RNF180: variants seen among roughly 807,000 people sequenced by gnomAD.
RNF180 encodes the protein E3 ubiquitin-protein ligase RNF180.
A neutral mutation model predicts 59.2 loss-of-function variants in RNF180; 38 were observed. That is an observed-to-expected ratio of 0.64 (90% CI 0.50 to 0.84). The LOEUF (loss-of-function observed/expected upper bound fraction) is 0.84, where lower values mean the gene tolerates loss of function less well. Ranked by LOEUF, RNF180 falls within the 40% of genes least tolerant of loss-of-function variation. The probability of loss-of-function intolerance (pLI) is 0.00; values close to 1 mark genes in which losing one functional copy is unlikely to be tolerated. For synonymous variants in RNF180, 262 were observed against 240.3 expected, an observed-to-expected ratio of 1.09 and a Z score of -0.84; for missense variants, 705 against 700.9, an observed-to-expected ratio of 1.01 and a Z score of -0.07.
chr5:64,359,266 T>C (rs1561280074), intron 7 of RNF180, among the ~76,000 whole-genome samples: 1 of 147,558 alleles, frequency 6.8e-6, no homozygotes, highest in Non-Finnish European at 1.5e-5. Context: ...GTAAAAGTGT[T>C]CCTATTTCTC....
At chr5:64,273,906 T>C (rs572516104) in intron 5 of RNF180, among the ~76,000 whole-genome samples, 150 of 152,014 alleles carry the variant, frequency 9.9e-4, no homozygotes, top group African/African-American at 3.4e-3. Context: ...TTTAATAAGG[T>C]GGCCAGAAAA....
At chr5:64,345,112 A>G (rs1257694793) in intron 7 of RNF180, among the ~76,000 whole-genome samples, 3 of 152,114 alleles carry the variant, frequency 2.0e-5, no homozygotes, top group Non-Finnish European at 4.4e-5. Context: ...TAGCCCCTAA[A>G]GGGCTTCTAG....
chr5:64,323,465 C>G (rs1483395374), intron 5 of RNF180, among the ~76,000 whole-genome samples: 1 of 152,068 alleles, frequency 6.6e-6, no homozygotes, highest in East Asian at 1.9e-4. Context: ...CACTTGAACC[C>G]AGGAAGCAGA....
Position 64,356,043 on chromosome 5 carries a change from G to C in RNF180, c.1580-13572G>C, listed in dbSNP as rs536556691. 6.8e-4 allele frequency among the ~76,000 whole-genome samples: 103 copies of C among 151,770 alleles called. 1 individual carries two copies. The highest frequency in any genetic ancestry group is 2.5e-3 in the African/African-American group (102 of 41,464). ...AAAATTTTGAAAGGAATCACTTGAG[G>C]CCGGGAGTTCAAGACCAACCTGGGC... On this transcript the variant is annotated intron_variant, in intron 7 of 7. Coordinates refer to ENST00000389100, the MANE Select transcript of RNF180 (RefSeq NM_001113561.2).
At position 64,342,585 on chromosome 5, in the gene RNF180, G is replaced by A. The variant is rs570031227; in HGVS notation, c.1579+12179G>A. On this transcript the variant is annotated intron_variant, in intron 7 of 7. Coordinates refer to ENST00000389100, the MANE Select transcript of RNF180 (RefSeq NM_001113561.2). ...TAGGAATCAAGTTATCCTACAGGGA[G>A]GGACCTATAACAGATACATAATAAG... is the stretch of plus-strand genomic sequence containing the variant. 4.6e-5 allele frequency among the ~76,000 whole-genome samples: 7 copies of A among 152,188 alleles called. No individual in the cohort carries two copies. The South Asian group carries it at 1.5e-3, about 32-fold the overall frequency.
intron 7 of RNF180, among the ~76,000 whole-genome samples, chr5:64,353,110 T>C (rs879573836): frequency 2.6e-5 from 4 of 151,866 alleles, no homozygotes; most frequent in Non-Finnish European, 4.4e-5. Context: ...CTATATTTGC[T>C]GTTAAAACTT....
At chr5:64,209,477 A>G (rs1325345967) in intron 2 of RNF180, among the ~76,000 whole-genome samples, 4 of 152,076 alleles carry the variant, frequency 2.6e-5, no homozygotes, top group Admixed American at 6.6e-5. Context: ...CCTTTATGCA[A>G]CACAGTCCCT....
intron 7 of RNF180, among the ~76,000 whole-genome samples, chr5:64,363,350 A>C (rs1746327739): frequency 1.3e-5 from 2 of 151,834 alleles, no homozygotes; most frequent in Admixed American, 6.6e-5. Flanking sequence ...TGAAGAGAGA[A>C]TACTTTCCCC....
intron 1 of RNF180, among the ~76,000 whole-genome samples, chr5:64,182,902 C>A (rs1287929881): frequency 6.6e-6 from 1 of 152,152 alleles, no homozygotes; most frequent in Admixed American, 6.5e-5. Context: ...GAGAGTACTT[C>A]CGATGTCACG....
chr5:64,354,566 T>C (rs1316514576), intron 7 of RNF180, among the ~76,000 whole-genome samples: 1 of 151,644 alleles, frequency 6.6e-6, no homozygotes, highest in Non-Finnish European at 1.5e-5. Context: ...AAAAAAAAAA[T>C]TGAAGAAGAA....
chr5:64,249,093 G>T (rs766239683), intron 5 of RNF180, among the ~76,000 whole-genome samples: 2 of 152,126 alleles, frequency 1.3e-5, no homozygotes, highest in Non-Finnish European at 2.9e-5. Flanking sequence ...ATCACACACC[G>T]GGGCCTGTCA....
At chr5:64,301,011 T>C (rs2112453689) in intron 5 of RNF180, among the ~76,000 whole-genome samples, 1 of 151,844 alleles carries the variant, frequency 6.6e-6, no homozygotes, top group Middle Eastern at 3.4e-3. Context: ...CAAACCCAGA[T>C]ATTTCCAGAA....
intron 1 of RNF180, among the ~76,000 whole-genome samples, chr5:64,189,039 G>A (rs930963841): frequency 1.9e-4 from 29 of 151,960 alleles, no homozygotes; most frequent in African/African-American, 7.0e-4. Context: ...ACAGAGGAAA[G>A]GACATATGAG....
At chr5:64,226,216 CGAAAA>C (rs1741747884) in intron 5 of RNF180, among the ~76,000 whole-genome samples, 1 of 151,402 alleles carries the variant, frequency 6.6e-6, no homozygotes, top group African/African-American at 2.4e-5. Context: ...GCGGTTTTGT[CGAAAA>C]GAAAAGGGGG....
intron 5 of RNF180, among the ~76,000 whole-genome samples, chr5:64,286,158 T>C (rs1742273073): frequency 6.6e-6 from 1 of 152,238 alleles, no homozygotes; most frequent in South Asian, 2.1e-4. Context: ...GAAGGTTTTG[T>C]ATGATGACTT....
At chr5:64,172,910 G>C (rs895258101) in intron 1 of RNF180, among the ~76,000 whole-genome samples, 1 of 152,148 alleles carries the variant, frequency 6.6e-6, no homozygotes, top group Non-Finnish European at 1.5e-5. Context: ...TGCTAAAAAA[G>C]GCTGAACATA....
intron 1 of RNF180, among the ~76,000 whole-genome samples, chr5:64,185,984 A>C (rs1057412024): frequency 6.6e-6 from 1 of 152,236 alleles, no homozygotes. Context: ...GTAAGTAAAC[A>C]AGCCCAAGTC....
chr5:64,272,874 T>A (rs1414879357), intron 5 of RNF180, among the ~76,000 whole-genome samples: 1 of 151,964 alleles, frequency 6.6e-6, no homozygotes, highest in Non-Finnish European at 1.5e-5. Context: ...GTGAGTTCAG[T>A]ATGGATGTAT....
chr5:64,275,960 C>T (rs1330150076), intron 5 of RNF180, among the ~76,000 whole-genome samples: 8 of 151,972 alleles, frequency 5.3e-5, no homozygotes, highest in Non-Finnish European at 1.0e-4. Context: ...GACAAAACTC[C>T]AAACCTTATG....
Sources: gnomAD v4.1 joint callset for allele counts (sites outside exome capture counted in the v4.1 genomes callset) on GRCh38, gnomAD v4.1.1 for gene constraint, MANE v1.5 for transcripts, NCBI Gene and HGNC (gene_info 2026-07-23, HGNC 2026-07-21) for gene names.